DOCK3: variants seen among roughly 807,000 people sequenced by gnomAD.
DOCK3 encodes the protein dedicator of cytokinesis 3.
Under a neutral mutation model 265.6 loss-of-function variants are expected in DOCK3, and 60 were observed. That is an observed-to-expected ratio of 0.23 (90% CI 0.18 to 0.28). The LOEUF (loss-of-function observed/expected upper bound fraction) is 0.28, where lower values mean the gene tolerates loss of function less well. Among genes scored for constraint, DOCK3 ranks in the 10% least tolerant of loss-of-function variants. DOCK3 has a pLI of 1.00. For synonymous variants in DOCK3, 881 were observed against 938.0 expected, an observed-to-expected ratio of 0.94 and a Z score of 1.11; for missense variants, 1,981 against 2,594.3, an observed-to-expected ratio of 0.76 and a Z score of 5.14.
intron 5 of DOCK3, among the ~76,000 whole-genome samples, chr3:50,993,778 T>C (rs1314384510): frequency 6.6e-6 from 1 of 152,258 alleles, no homozygotes; most frequent in Non-Finnish European, 1.5e-5. Flanking sequence ...GTAGCCAAAA[T>C]GACCTTTTTA....
chr3:51,119,652 G>A (rs922778379), intron 9 of DOCK3, among the ~76,000 whole-genome samples: 4 of 151,932 alleles, frequency 2.6e-5, no homozygotes, highest in African/African-American at 9.7e-5. Context: ...TGGAGGCTTC[G>A]TTTGTTCATT....
chr3:51,267,384 T>C (rs1162307171), intron 23 of DOCK3, among the ~76,000 whole-genome samples: 1 of 149,040 alleles, frequency 6.7e-6, no homozygotes, highest in African/African-American at 2.5e-5. Context: ...TTTTTTTCTT[T>C]CTTTTTTTTT....
chr3:51,327,391 C>A (rs1159968720), intron 32 of DOCK3, among the ~76,000 whole-genome samples: 1 of 152,172 alleles, frequency 6.6e-6, no homozygotes, highest in African/African-American at 2.4e-5. Flanking sequence ...CAGAACTATG[C>A]AGCTCATTAT....
intron 1 of DOCK3, among the ~76,000 whole-genome samples, chr3:50,769,879 A>G (rs1220611218): frequency 6.6e-6 from 1 of 151,656 alleles, no homozygotes. Flanking sequence ...AAGGGTGTCT[A>G]AATTGGGAAG....
At chr3:50,830,948 T>C (rs2045107943) in intron 2 of DOCK3, among the ~76,000 whole-genome samples, 1 of 152,062 alleles carries the variant, frequency 6.6e-6, no homozygotes, top group African/African-American at 2.4e-5. Flanking sequence ...TCAAGAGTTT[T>C]CTAGGAAAGG....
At chr3:51,292,311 G>A (rs182703514) in intron 27 of DOCK3, among the ~76,000 whole-genome samples, 14 of 152,280 alleles carry the variant, frequency 9.2e-5, no homozygotes, top group Admixed American at 7.2e-4. Context: ...AAATGATGGA[G>A]TAGAATTGTC....
intron 4 of DOCK3, among the ~76,000 whole-genome samples, chr3:50,904,109 T>A (rs1435845813): frequency 6.6e-6 from 1 of 152,248 alleles, no homozygotes; most frequent in Non-Finnish European, 1.5e-5. Context: ...TTCTTATGGC[T>A]GCATAGTATT....
In DOCK3 at chr3:51,209,945, T is replaced by C. The variant is rs113338043; in HGVS notation, c.1126+1083T>C. On this transcript the variant is annotated intron_variant, in intron 13 of 52. Coordinates refer to ENST00000266037, the MANE Select transcript of DOCK3 (RefSeq NM_004947.5). ...TGTGCCTGGATGCCAAGTAGCTCCA[T>C]GCAGTGTGCTAAATCTAGGCTAAAG... 3.3e-5 allele frequency among the ~76,000 whole-genome samples: 5 copies of C among 152,372 alleles called. 2 individuals carry two copies. Among genetic ancestry groups the C allele is most frequent in the African/African-American group, 1.2e-4 (5 of 41,598 alleles).
chr3:50,886,582 C>A, intron 3 of DOCK3, among the ~76,000 whole-genome samples: 1 of 140,776 alleles, frequency 7.1e-6, no homozygotes, highest in Non-Finnish European at 1.5e-5. Flanking sequence ...CCACAGTCCC[C>A]AGAGTGTGAT....
chr3:51,119,112 G>A lies in DOCK3; in HGVS notation c.747-27437G>A, dbSNP rs538673057. Among the ~76,000 whole-genome samples the A allele has an allele frequency of 3.6e-4, 55 of 152,230 alleles. 1 individual carries two copies. The South Asian group carries it at 9.5e-3, about 26-fold the overall frequency. The stretch of plus-strand genomic sequence containing the variant: ...GGTTTGTTTTGCAGTGGCTGATACC[G>A]GCTTTTCCTTTCCATAGTTAGTGCC... On this transcript the variant is annotated intron_variant, in intron 9 of 52. Coordinates refer to ENST00000266037, the MANE Select transcript of DOCK3 (RefSeq NM_004947.5).
At chr3:51,084,115 A>C (rs932256853) in intron 7 of DOCK3, among the ~76,000 whole-genome samples, 3 of 152,154 alleles carry the variant, frequency 2.0e-5, no homozygotes, top group African/African-American at 7.2e-5. Flanking sequence ...ATAAATATTC[A>C]AATTTTGGCA....
intron 22 of DOCK3, among the ~76,000 whole-genome samples, chr3:51,258,986 G>A (rs558403861): frequency 1.8e-4 from 27 of 152,248 alleles, no homozygotes; most frequent in African/African-American, 5.8e-4. Context: ...CCACAATATA[G>A]ACATACTAGA....
chr3:50,897,220 C>T (rs568073103), intron 4 of DOCK3, among the ~76,000 whole-genome samples: 4 of 152,038 alleles, frequency 2.6e-5, no homozygotes, highest in Admixed American at 2.6e-4. Flanking sequence ...AAGTTGTATT[C>T]CTAGGTATTT....
chr3:51,041,655 G>A (rs144629285), intron 5 of DOCK3, among the ~76,000 whole-genome samples: 39 of 152,202 alleles, frequency 2.6e-4, no homozygotes, highest in Admixed American at 1.6e-3. Context: ...AGGTAACTAG[G>A]TGTACTTTCA....
At chr3:51,142,800 T>C (rs779007879) in intron 9 of DOCK3, among the ~76,000 whole-genome samples, 2 of 152,196 alleles carry the variant, frequency 1.3e-5, no homozygotes, top group African/African-American at 2.4e-5. Context: ...TTTTCCAAAG[T>C]GGATGTACCA....
chr3:51,002,174 C>T (rs2078506125), intron 5 of DOCK3, among the ~76,000 whole-genome samples: 3 of 152,004 alleles, frequency 2.0e-5, no homozygotes, highest in Admixed American at 2.0e-4. Context: ...ATTTCAAACT[C>T]CTGGCCTCAA....
At chr3:51,283,532 A>G (rs1295794726) in intron 27 of DOCK3, among the ~76,000 whole-genome samples, 1 of 152,244 alleles carries the variant, frequency 6.6e-6, no homozygotes, top group African/African-American at 2.4e-5. Context: ...TCTCTCAGGA[A>G]CAGACAAACT....
chr3:51,351,651 C>CTT, intron 40 of DOCK3, among the ~76,000 whole-genome samples: 1 of 95,728 alleles, frequency 1.0e-5, no homozygotes, highest in Non-Finnish European at 2.1e-5. Context: ...AGTAGAGAGA[C>CTT]TTTTTTTTTT....
intron 1 of DOCK3, among the ~76,000 whole-genome samples, chr3:50,737,360 T>C (rs1045648130): frequency 2.6e-5 from 4 of 152,154 alleles, no homozygotes; most frequent in Admixed American, 6.5e-5. Context: ...TACACAGTTT[T>C]AAACAACCAG....
Sources: allele counts gnomAD v4.1 joint callset (sites outside exome capture counted in the v4.1 genomes callset), GRCh38; gene constraint gnomAD v4.1.1; transcripts MANE v1.5; gene names NCBI Gene and HGNC (gene_info 2026-07-23, HGNC 2026-07-21).